Variants in PRKCE observed in about 807,000 individuals in gnomAD.
PRKCE encodes protein kinase C epsilon.
PRKCE carries 16 observed loss-of-function variants against 85.4 expected under a neutral mutation model. The observed-to-expected ratio is 0.19, with a 90% CI of 0.13 to 0.28. The LOEUF is 0.28. Among genes scored for constraint, PRKCE ranks in the 10% least tolerant of loss-of-function variants. The probability of loss-of-function intolerance (pLI) is 1.00; values close to 1 mark genes in which losing one functional copy is unlikely to be tolerated. For missense variants in PRKCE, 573 were observed against 975.2 expected (o/e 0.59, Z 5.49); for synonymous variants, 388 against 371.5 (o/e 1.04, Z -0.51).
At chr2:45,884,487 C>T (rs1158304030) in intron 2 of PRKCE, among the ~76,000 whole-genome samples, 1 of 152,172 alleles carries the variant, frequency 6.6e-6, no homozygotes. Flanking sequence ...TCTCTAAAGT[C>T]TCCATTTCTA....
chr2:45,948,671 A>T (rs1030603946), intron 2 of PRKCE, among the ~76,000 whole-genome samples: 1 of 152,094 alleles, frequency 6.6e-6, no homozygotes, highest in African/African-American at 2.4e-5. Flanking sequence ...TGCTTTCTTG[A>T]CGAAATAAAA....
chr2:46,013,533 CT>C (rs2104818981), intron 10 of PRKCE, among the ~76,000 whole-genome samples: 1 of 152,280 alleles, frequency 6.6e-6, no homozygotes, highest in African/African-American at 2.4e-5. Context: ...GGAATAGCAG[CT>C]GGGTTTGGTA....
intron 11 of PRKCE, among the ~76,000 whole-genome samples, chr2:46,142,996 C>A (rs76881085): frequency 3.7e-4 from 56 of 152,246 alleles, no homozygotes; most frequent in African/African-American, 1.3e-3. Flanking sequence ...GGAAGTCAAC[C>A]AATGTGAAGG....
At chr2:46,165,569 T>C (rs1226883525) in intron 14 of PRKCE, among the ~76,000 whole-genome samples, 1 of 152,236 alleles carries the variant, frequency 6.6e-6, no homozygotes, top group African/African-American at 2.4e-5. Flanking sequence ...CCCAAGATGA[T>C]GGCCTTGTCT....
At chr2:46,160,796 A>C (rs1320285046) in intron 14 of PRKCE, among the ~76,000 whole-genome samples, 1 of 152,034 alleles carries the variant, frequency 6.6e-6, no homozygotes, top group Non-Finnish European at 1.5e-5. Flanking sequence ...CTATTCAAGG[A>C]GATTTTCTGG....
chr2:45,980,117 C>G (rs1378741135), intron 4 of PRKCE, among the ~76,000 whole-genome samples, 179 bp from the exon 5 acceptor site: 2 of 152,136 alleles, frequency 1.3e-5, no homozygotes, highest in African/African-American at 4.8e-5. Flanking sequence ...ACTGATGGCT[C>G]TGATAGGACA....
intron 2 of PRKCE, among the ~76,000 whole-genome samples, chr2:45,897,958 G>C (rs140077335): frequency 2.0e-5 from 3 of 152,148 alleles, no homozygotes; most frequent in South Asian, 2.1e-4. Context: ...TGATTTGGGC[G>C]ATCTCTATGA....
At chr2:45,809,821 G>A (rs1362337156) in intron 1 of PRKCE, among the ~76,000 whole-genome samples, 4 of 150,606 alleles carry the variant, frequency 2.7e-5, no homozygotes, top group South Asian at 4.2e-4. Context: ...CAGAGGTTGC[G>A]GTGAGCCAAG....
chr2:45,789,757 G>C (rs1251847553), intron 1 of PRKCE, among the ~76,000 whole-genome samples: 10 of 152,160 alleles, frequency 6.6e-5, no homozygotes, highest in African/African-American at 2.4e-4. Context: ...TGAGCAGTCA[G>C]GGCTGAGAAT....
chr2:45,984,906 G>A (rs555504885), intron 6 of PRKCE, among the ~76,000 whole-genome samples: 3 of 152,228 alleles, frequency 2.0e-5, no homozygotes, highest in East Asian at 1.9e-4. Context: ...GGAGGAGGGC[G>A]GACTCCACGC....
At chr2:45,698,073 G>C (rs1678302969) in intron 1 of PRKCE, 1 of 152,606 alleles carries the variant, frequency 6.6e-6, no homozygotes, top group Non-Finnish European at 1.5e-5. Flanking sequence ...GTGGACGTCA[G>C]TTTGTGCTGG....
intron 1 of PRKCE, among the ~76,000 whole-genome samples, chr2:45,805,405 C>T (rs1046625601): frequency 5.3e-5 from 8 of 152,110 alleles, no homozygotes; most frequent in Admixed American, 2.0e-4. Flanking sequence ...TCCTTCTCAG[C>T]GTTCGTGCCC....
chr2:45,839,369 A>ATACT (rs34445382), intron 1 of PRKCE, among the ~76,000 whole-genome samples: 2 of 151,988 alleles, frequency 1.3e-5, no homozygotes, highest in Non-Finnish European at 2.9e-5. Context: ...CTGGAGGGGT[A>ATACT]GCCAAGGCAC....
chr2:46,101,509 C>G (rs1332007630), intron 11 of PRKCE, among the ~76,000 whole-genome samples: 1 of 152,098 alleles, frequency 6.6e-6, no homozygotes, highest in African/African-American at 2.4e-5. Context: ...GTCTGTGGCT[C>G]TACAGAATTT....
intron 1 of PRKCE, among the ~76,000 whole-genome samples, chr2:45,687,627 A>G (rs575894142): frequency 6.0e-4 from 92 of 152,308 alleles, no homozygotes; most frequent in African/African-American, 2.1e-3. Flanking sequence ...TAACATCTAA[A>G]TGTCTTTCAT....
At chr2:45,985,612 C>T (rs1703257511) in intron 6 of PRKCE, among the ~76,000 whole-genome samples, 1 of 151,922 alleles carries the variant, frequency 6.6e-6, no homozygotes, top group Admixed American at 6.6e-5. Context: ...TTGAAGGGAT[C>T]CCAATGAGAA....
In PRKCE at chr2:45,869,767, G is replaced by A. The variant is rs944697325; in HGVS notation, c.412+26704G>A. ...CTGTCACCCAGGCTGGAGTGCAGTG[G>A]CATGATCTAGGCTCACTGCAACGTC... On this transcript the variant is annotated intron_variant, in intron 2 of 14. Transcript: ENST00000306156. Among the ~76,000 whole-genome samples the A allele has an allele frequency of 2.1e-5, 3 of 145,396 alleles. No individual in the cohort carries two copies. In the Admixed American group the frequency reaches 2.1e-4, roughly 10 times the overall value.
chr2:45,853,027 G>A (rs1019480533), intron 2 of PRKCE, among the ~76,000 whole-genome samples: 3 of 152,174 alleles, frequency 2.0e-5, no homozygotes, highest in African/African-American at 4.8e-5. Flanking sequence ...GAACCATGCT[G>A]AGCAGGCACC....
At chr2:45,854,970 A>G (rs1203869021) in intron 2 of PRKCE, among the ~76,000 whole-genome samples, 2 of 152,262 alleles carry the variant, frequency 1.3e-5, no homozygotes, top group Non-Finnish European at 2.9e-5. Flanking sequence ...CAGCAGTTAA[A>G]TATACTCAAA....
Sources: gnomAD v4.1 joint callset for allele counts (sites outside exome capture counted in the v4.1 genomes callset) on GRCh38, gnomAD v4.1.1 for gene constraint, MANE v1.5 for transcripts, NCBI Gene and HGNC (gene_info 2026-07-23, HGNC 2026-07-21) for gene names.